Variants in CALD1 observed in about 807,000 individuals in gnomAD.
The protein encoded by CALD1 is caldesmon.
A neutral mutation model predicts 99.9 loss-of-function variants in CALD1; 33 were observed. That is an observed-to-expected ratio of 0.33 (90% CI 0.25 to 0.44). The LOEUF (loss-of-function observed/expected upper bound fraction) is 0.44, where lower values mean the gene tolerates loss of function less well. Among genes scored for constraint, CALD1 ranks in the 20% least tolerant of loss-of-function variants. CALD1 has a pLI of 1.00. For synonymous variants in CALD1, 310 were observed against 325.0 expected (o/e 0.95, Z 0.50); for missense variants, 861 against 962.1 (o/e 0.89, Z 1.39).
intron 1 of CALD1, among the ~76,000 whole-genome samples, chr7:134,816,339 A>G (rs1471900814): frequency 4.6e-5 from 7 of 152,232 alleles, no homozygotes; most frequent in Non-Finnish European, 1.5e-5. Flanking sequence ...AGAGCTTCAC[A>G]GTTTGTCCAT....
At chr7:134,818,445 C>T (rs545413437) in intron 1 of CALD1, among the ~76,000 whole-genome samples, 3 of 152,198 alleles carry the variant, frequency 2.0e-5, no homozygotes, top group South Asian at 2.1e-4. Context: ...AGCATAGATG[C>T]ATTTTTATTT....
intron 3 of CALD1, among the ~76,000 whole-genome samples, chr7:134,889,995 G>A (rs766266653): frequency 1.3e-5 from 2 of 151,994 alleles, no homozygotes; most frequent in African/African-American, 2.4e-5. Flanking sequence ...TGCAACCTCC[G>A]CCTCCTGGGT....
Position 134,854,720 on chromosome 7 carries a change from A to T in CALD1, c.-42+10749A>T, listed in dbSNP as rs540100713. Among the ~76,000 whole-genome samples the T allele has an allele frequency of 7.9e-5, 12 of 152,264 alleles. No individual in the cohort carries two copies. In the East Asian group the frequency reaches 1.9e-3, roughly 24 times the overall value. On this transcript the variant is annotated intron_variant, in intron 2 of 14. Transcript: ENST00000361675. ...GGATTTTTTTCCCCTCAAATGAGTAACTCATTCCTGGTGGGATAAATCTGT... is the reference window on the plus strand; with the variant it reads ...GGATTTTTTTCCCCTCAAATGAGTATCTCATTCCTGGTGGGATAAATCTGT...
chr7:134,923,704 G>A (rs775175663), intron 3 of CALD1, among the ~76,000 whole-genome samples: 3 of 152,170 alleles, frequency 2.0e-5, no homozygotes, highest in East Asian at 1.9e-4. Context: ...CTGTGCTATC[G>A]TTTGATATAA....
the CALD1 span, among the ~76,000 whole-genome samples, chr7:134,731,328 C>T: frequency 6.6e-6 from 1 of 152,190 alleles, no homozygotes; most frequent in Non-Finnish European, 1.5e-5. Flanking sequence ...GCAAGTTTCC[C>T]TGCTTGCTTT....
intron 2 of CALD1, among the ~76,000 whole-genome samples, chr7:134,856,360 C>A (rs544093709): frequency 6.6e-6 from 1 of 152,128 alleles, no homozygotes; most frequent in Admixed American, 6.5e-5. Context: ...AGATAAAAGT[C>A]CTGTAGCCAA....
rs1808141821 is a variant in CALD1 at position 134,960,086 on chromosome 7, C to G, written c.2174C>G (p.Pro725Arg). 1 of 1,614,148 alleles carries G rather than the reference C, an allele frequency of 6.2e-7. No homozygotes were observed. Among genetic ancestry groups the G allele is most frequent in the Admixed American group, 1.7e-5 (1 of 60,024 alleles). ...GAGAAAGGGAATGTGTTTTCATCCC[C>G]CACTGCAGCAGGCACACCAAATAAG... The part of the protein sequence containing the change: ...MWEKGNVFSS[P>R]TAAGTPNKET... Residue 725 changes from proline (P) to arginine (R), a missense_variant, in exon 12 of 15, where the codon CCC becomes CGC. This residue lies in a region of CALD1 where 190 missense variants were observed against 249.0 expected (regional missense o/e 0.76). Transcript: ENST00000361675.
At chr7:134,737,709 G>A in the CALD1 span, among the ~76,000 whole-genome samples, 3 of 152,176 alleles carry the variant, frequency 2.0e-5, no homozygotes, top group Non-Finnish European at 4.4e-5. Flanking sequence ...ATTTCCTCCA[G>A]TGTTTTGTAA....
the CALD1 span, among the ~76,000 whole-genome samples, chr7:134,726,520 T>C: frequency 7.1e-6 from 1 of 140,138 alleles, no homozygotes; most frequent in African/African-American, 2.8e-5. Flanking sequence ...ATACAATATA[T>C]TATATATATA....
At chr7:134,878,797 A>G (rs1801464642) in intron 3 of CALD1, among the ~76,000 whole-genome samples, 1 of 151,936 alleles carries the variant, frequency 6.6e-6, no homozygotes, top group Admixed American at 6.6e-5. Context: ...CCTCATCTCT[A>G]CAAATAATAA....
intron 9 of CALD1, among the ~76,000 whole-genome samples, chr7:134,953,666 T>TTG (rs1807544584): frequency 7.5e-6 from 1 of 132,556 alleles, no homozygotes; most frequent in Non-Finnish European, 1.7e-5. Flanking sequence ...GTTTTTTTTT[T>TTG]TTGTTTTTTT....
At chr7:134,897,066 C>T (rs766455850) in intron 3 of CALD1, among the ~76,000 whole-genome samples, 1 of 152,158 alleles carries the variant, frequency 6.6e-6, no homozygotes, top group Non-Finnish European at 1.5e-5. Context: ...CTGCCTGGAT[C>T]TATTTCCAAG....
intron 1 of CALD1, among the ~76,000 whole-genome samples, chr7:134,760,184 T>C (rs539926653): frequency 6.6e-6 from 1 of 152,040 alleles, no homozygotes; most frequent in Non-Finnish European, 1.5e-5. Flanking sequence ...AAGGGCAAGA[T>C]TACAGAGGGA....
At position 134,830,033 on chromosome 7, in the gene CALD1, T is replaced by G. The variant is rs539541459; in HGVS notation, c.-129-13851T>G. The stretch of plus-strand genomic sequence containing the variant: ...TGTCATTTGCTAAGATGGGAAAAAC[T>G]TGGGAAACAAGGACTGTGTTCAATT... On this transcript the variant is annotated intron_variant, in intron 1 of 14. Transcript: ENST00000361675. Among the ~76,000 whole-genome samples, 3 of 152,044 alleles carry G rather than the reference T, an allele frequency of 2.0e-5. No homozygotes were observed. The South Asian group carries it at 6.2e-4, about 32-fold the overall frequency.
At chr7:134,749,207 C>T (rs749043437) in intron 1 of CALD1, among the ~76,000 whole-genome samples, 72 of 152,176 alleles carry the variant, frequency 4.7e-4, no homozygotes, top group Non-Finnish European at 8.7e-4. Context: ...TCTAATGAGG[C>T]CCAATGAATG....
At chr7:134,757,691 C>G (rs1796741399) in intron 1 of CALD1, among the ~76,000 whole-genome samples, 2 of 152,094 alleles carry the variant, frequency 1.3e-5, no homozygotes, top group East Asian at 1.9e-4. Flanking sequence ...CCAGCCTGGC[C>G]AACATGGTGA....
At chr7:134,891,498 C>G in intron 3 of CALD1, 1 of 1,476,044 alleles carries the variant, frequency 6.8e-7, no homozygotes, top group East Asian at 2.5e-5. Context: ...CGGGAGCATC[C>G]TGCACCGTGC....
rs925205461 is a variant in CALD1 at position 134,968,689 on chromosome 7, T to C, written c.*344T>C. On this transcript the variant is annotated 3_prime_UTR_variant, in exon 15 of 15. Coordinates refer to ENST00000361675, the MANE Select transcript of CALD1 (RefSeq NM_033138.4). ...CAAGTTTAAAATTGCCTGCGGAATGTGTGCAGTATCTAGAAAAATGAACCG... is the reference window on the plus strand; with the variant it reads ...CAAGTTTAAAATTGCCTGCGGAATGCGTGCAGTATCTAGAAAAATGAACCG... The C allele has an allele frequency of 3.8e-5, 18 of 473,882 alleles. No homozygotes were observed. Among genetic ancestry groups the C allele is most frequent in the African/African-American group, 3.3e-4 (17 of 51,354 alleles). The allele number at this position is 473,882 out of a possible 1,614,324, so 29.4% of individuals were successfully genotyped here. A position where few individuals can be genotyped will look rare whatever the true frequency, so the allele number is the denominator to read the frequency against.
intron 1 of CALD1, among the ~76,000 whole-genome samples, chr7:134,759,697 C>T (rs1796760213): frequency 6.6e-6 from 1 of 152,128 alleles, no homozygotes; most frequent in Non-Finnish European, 1.5e-5. Flanking sequence ...AGATGACTAA[C>T]CTTTATCCAT....
Sources: allele counts gnomAD v4.1 joint callset (sites outside exome capture counted in the v4.1 genomes callset), GRCh38; gene constraint gnomAD v4.1.1; regional missense constraint gnomAD v4.1.1; transcripts MANE v1.5; gene names NCBI Gene and HGNC (gene_info 2026-07-23, HGNC 2026-07-21).